Variants in DENND1A observed in about 807,000 individuals in gnomAD.
DENND1A encodes the protein DENN domain containing 1A, also known as DENN domain-containing protein 1A.
In DENND1A, 51 loss-of-function variants were observed where a neutral mutation model predicts 113.7. The observed-to-expected ratio is 0.45, with a 90% CI of 0.36 to 0.57. The LOEUF is 0.57. DENND1A is among the 20% of genes least tolerant of loss of function. The pLI is 0.00. For synonymous variants in DENND1A, 565 were observed against 570.8 expected (o/e 0.99, Z 0.14); for missense variants, 1,258 against 1,395.9 (o/e 0.90, Z 1.57).
chr9:123,707,699 T>C (rs565458214), intron 5 of DENND1A, among the ~76,000 whole-genome samples: 1 of 152,094 alleles, frequency 6.6e-6, no homozygotes, highest in African/African-American at 2.4e-5. Context: ...GGAAGCCTGA[T>C]TGGAATGACT....
chr9:123,871,934 C>A (rs1846681011), intron 2 of DENND1A, among the ~76,000 whole-genome samples: 1 of 152,182 alleles, frequency 6.6e-6, no homozygotes, highest in Admixed American at 6.5e-5. Context: ...TAATGAGACA[C>A]TTGTGTTTGA....
intron 13 of DENND1A, among the ~76,000 whole-genome samples, chr9:123,502,433 C>G (rs1421972928): frequency 6.6e-6 from 1 of 152,022 alleles, no homozygotes; most frequent in East Asian, 1.9e-4. Context: ...ATTTGATTTC[C>G]TGAATGATTA....
intron 4 of DENND1A, among the ~76,000 whole-genome samples, chr9:123,767,743 C>T (rs950709594): frequency 5.3e-5 from 8 of 152,096 alleles, no homozygotes; most frequent in Non-Finnish European, 1.0e-4. Flanking sequence ...CATTAGTAAA[C>T]ATTAATAGGA....
intron 11 of DENND1A, among the ~76,000 whole-genome samples, chr9:123,585,243 T>C (rs900663747): frequency 6.6e-6 from 1 of 152,330 alleles, no homozygotes; most frequent in African/African-American, 2.4e-5. Context: ...ACTAAGTGCT[T>C]ACTATGGGCT....
chr9:123,615,465 C>T (rs2060607825), intron 10 of DENND1A, among the ~76,000 whole-genome samples: 1 of 152,180 alleles, frequency 6.6e-6, no homozygotes, highest in Admixed American at 6.5e-5. Context: ...GGCTGGCCTG[C>T]AGCTGTGACA....
At chr9:123,539,051 C>T (rs2056076391) in intron 13 of DENND1A, among the ~76,000 whole-genome samples, 1 of 151,494 alleles carries the variant, frequency 6.6e-6, no homozygotes, top group Admixed American at 6.6e-5. Context: ...ATATTCCAAC[C>T]AATAAATGAA....
chr9:123,513,153 AC>A (rs1312958633), intron 13 of DENND1A, among the ~76,000 whole-genome samples: 4 of 151,978 alleles, frequency 2.6e-5, no homozygotes, highest in African/African-American at 9.7e-5. Context: ...CCATGGCCTG[AC>A]CTCTGGGTGG....
intron 21 of DENND1A, among the ~76,000 whole-genome samples, chr9:123,399,780 C>A (rs7875077): frequency 0.041 from 6,204 of 152,274 alleles, 418 homozygotes; most frequent in African/African-American, 0.14. Context: ...CCTGAAGGGC[C>A]CCGTTCCAAG....
chr9:123,530,378 C>A (rs570233451), intron 13 of DENND1A, among the ~76,000 whole-genome samples: 10 of 152,016 alleles, frequency 6.6e-5, no homozygotes, highest in South Asian at 6.2e-4. Flanking sequence ...CCAATAGAAA[C>A]AGATGAGAGA....
At chr9:123,541,880 G>A (rs535988321) in intron 13 of DENND1A, among the ~76,000 whole-genome samples, 1 of 152,260 alleles carries the variant, frequency 6.6e-6, no homozygotes, top group African/African-American at 2.4e-5. Context: ...CAGGGAGGAG[G>A]GAGGGCTTCC....
intron 3 of DENND1A, among the ~76,000 whole-genome samples, chr9:123,774,525 T>A (rs1341652806): frequency 2.0e-5 from 3 of 152,018 alleles, no homozygotes; most frequent in Non-Finnish European, 4.4e-5. Context: ...AAATCTAAGA[T>A]CCATAGTATA....
chr9:123,858,353 T>C (rs1173679232), intron 2 of DENND1A, among the ~76,000 whole-genome samples: 2 of 152,240 alleles, frequency 1.3e-5, no homozygotes, highest in Admixed American at 1.3e-4. Flanking sequence ...TGCAGTGCAA[T>C]TACAACTTTT....
rs60761810 is a variant in DENND1A, at chr9:123,728,479, C to CAAAAAAAAAAAAAAAAAAAAAAAAAAAA, written c.302+29196_302+29223dup. On this transcript the variant is annotated intron_variant, in intron 5 of 23. Coordinates refer to ENST00000394215, the MANE Select transcript of DENND1A (RefSeq NM_001352964.2). ...GCAACAATTGCAAAACTCTGTCTCCCAAAAAAAAAAAAAAAAAAAAAAAAA... is the reference window on the plus strand; with the variant it reads ...GCAACAATTGCAAAACTCTGTCTCCCAAAAAAAAAAAAAAAAAAAAAAAAAAAAAAAAAAAAAAAAAAAAAAAAAAAAA... Among the ~76,000 whole-genome samples the CAAAAAAAAAAAAAAAAAAAAAAAAAAAA allele has an allele frequency of 5.6e-4, 14 of 25,194 alleles. 4 individuals are homozygous for CAAAAAAAAAAAAAAAAAAAAAAAAAAAA. Among genetic ancestry groups the CAAAAAAAAAAAAAAAAAAAAAAAAAAAA allele is most frequent in the Non-Finnish European group, 7.1e-4 (10 of 14,184 alleles). The allele number at this position is 25,194 out of a possible 152,430, so 16.5% of individuals were successfully genotyped here. A position where few individuals can be genotyped will look rare whatever the true frequency, so the allele number is the denominator to read the frequency against.
chr9:123,688,411 C>G (rs1475097055), intron 5 of DENND1A, among the ~76,000 whole-genome samples: 1 of 152,132 alleles, frequency 6.6e-6, no homozygotes, highest in Admixed American at 6.5e-5. Context: ...CATTCATTGC[C>G]TAATATATAT....
Position 123,452,292 on chromosome 9 carries a change from T to C in DENND1A, c.1283A>G (p.Lys428Arg), listed in dbSNP as rs749237555. ...AGTACTTACGAACTTGTAGACAGTC[T>C]TCATGGCCGGATTTGCTTTGGTCTT... ...TVKTKANPAM[K>R]TVYKFAKDHA... Residue 428 changes from lysine to arginine, a missense_variant, in exon 17 of 24, where the codon AAG (lysine) becomes AGG (arginine). This residue lies in a region of DENND1A where 1,159 missense variants were observed against 1,231.7 expected (regional missense o/e 0.94). Transcript: ENST00000394215. 6.2e-7 allele frequency: 1 copy of C among 1,614,252 alleles called. No individual in the cohort carries two copies.
At chr9:123,471,398 TAAGA>T (rs976882522) in intron 13 of DENND1A, among the ~76,000 whole-genome samples, 11 of 152,150 alleles carry the variant, frequency 7.2e-5, no homozygotes, top group African/African-American at 2.4e-4. Flanking sequence ...GCGGAGGGGC[TAAGA>T]AAGGATCTGT....
At chr9:123,750,302 A>G (rs2069901964) in intron 5 of DENND1A, among the ~76,000 whole-genome samples, 1 of 152,242 alleles carries the variant, frequency 6.6e-6, no homozygotes, top group Non-Finnish European at 1.5e-5. Context: ...GTTTCTAAGT[A>G]TGAAGGCATC....
intron 20 of DENND1A, among the ~76,000 whole-genome samples, chr9:123,406,921 G>A (rs1045636853): frequency 2.0e-5 from 3 of 152,148 alleles, no homozygotes; most frequent in African/African-American, 4.8e-5. Flanking sequence ...CAATAAAGGC[G>A]GGTTAAGAAT....
chr9:123,577,180 T>C (rs1324113962), intron 12 of DENND1A, among the ~76,000 whole-genome samples: 1 of 152,226 alleles, frequency 6.6e-6, no homozygotes, highest in Non-Finnish European at 1.5e-5. Flanking sequence ...GTCTTTTTTC[T>C]TTCTTGGCTT....
Sources: allele counts gnomAD v4.1 joint callset (sites outside exome capture counted in the v4.1 genomes callset), GRCh38; gene constraint gnomAD v4.1.1; regional missense constraint gnomAD v4.1.1; transcripts MANE v1.5; gene names NCBI Gene and HGNC (gene_info 2026-07-23, HGNC 2026-07-21).